USP12: variants seen among roughly 807,000 people sequenced by gnomAD.
The protein encoded by USP12 is ubiquitin specific peptidase 12.
USP12 carries 19 observed loss-of-function variants against 45.5 expected under a neutral mutation model. The ratio of observed to expected loss-of-function variants is 0.42; its 90% CI spans 0.29 to 0.61. The LOEUF (loss-of-function observed/expected upper bound fraction) is 0.61. Ranked by LOEUF, USP12 falls within the 20% of genes least tolerant of loss-of-function variation. USP12 has a pLI of 0.22. For synonymous variants in USP12, 149 were observed against 148.8 expected (o/e 1.00, Z -0.01); for missense variants, 242 against 447.7 (o/e 0.54, Z 4.15).
Position 27,075,325 on chromosome 13 carries a change from A to G in USP12, c.798T>C (p.Asp266=), listed in dbSNP as rs1873427765. 1 of 1,614,072 alleles carries G rather than the reference A, an allele frequency of 6.2e-7. No individual in the cohort carries two copies. Among genetic ancestry groups the G allele is most frequent in the Admixed American group, 1.7e-5 (1 of 60,002 alleles). Residue 266 remains aspartate, a synonymous_variant, in exon 7 of 9, where the codon GAT becomes GAC. Coordinates refer to ENST00000282344, the MANE Select transcript of USP12 (RefSeq NM_182488.4). ...ALHLKRFKYM[D]QLHRYTKLSY... ...AGAGTTTTGTATATCGATGAAGTTG[A>G]TCCATATATTTAAATCTCTTCAGGT...
rs1209775984 is a variant in USP12, at chr13:27,069,108, T to C, written c.*175A>G. On this transcript the variant is annotated 3_prime_UTR_variant, in exon 9 of 9. Transcript: ENST00000282344. ...ATGATACCTGAGCAAATAAATCAAC[T>C]ACCATGATCGGAAGGGCTTGTCAAT... 3.2e-6 allele frequency: 2 copies of C among 630,420 alleles called. No homozygotes were observed. The highest frequency in any genetic ancestry group is 1.8e-5 in the African/African-American group (1 of 54,248). 39.1% of individuals were successfully genotyped at this position (630,420 alleles called of 1,614,324 possible). A position where few individuals can be genotyped will look rare whatever the true frequency, so the allele number is the denominator to read the frequency against.
chr13:27,105,298 T>C (rs577386564), intron 3 of USP12, among the ~76,000 whole-genome samples: 96 of 152,240 alleles, frequency 6.3e-4, no homozygotes, highest in African/African-American at 2.2e-3. Context: ...AGGTTTTGAT[T>C]TTTCACGGCT....
intron 4 of USP12, among the ~76,000 whole-genome samples, chr13:27,093,942 T>C (rs761681119): frequency 2.6e-5 from 4 of 152,224 alleles, no homozygotes; most frequent in Non-Finnish European, 5.9e-5. Flanking sequence ...GGCTGCATAC[T>C]ATATGATTTC....
At chr13:27,150,004 G>A (rs988081522) in intron 1 of USP12, among the ~76,000 whole-genome samples, 2 of 152,232 alleles carry the variant, frequency 1.3e-5, no homozygotes, top group African/African-American at 4.8e-5. Flanking sequence ...CAGATCAGGG[G>A]TTGGAGATCC....
At chr13:27,097,054 T>A in intron 3 of USP12, among the ~76,000 whole-genome samples, 1 of 149,786 alleles carries the variant, frequency 6.7e-6, no homozygotes, top group African/African-American at 2.5e-5. Flanking sequence ...AAAGCAAATC[T>A]CATATAAAAG....
chr13:27,087,132 AGAGT>A (rs1286061628), intron 6 of USP12, among the ~76,000 whole-genome samples: 2 of 147,348 alleles, frequency 1.4e-5, no homozygotes, highest in Non-Finnish European at 3.0e-5. Flanking sequence ...TGCGTGTGTG[AGAGT>A]GTGTGTGTGT....
At chr13:27,115,723 T>A (rs546866516) in intron 2 of USP12, among the ~76,000 whole-genome samples, 1 of 152,312 alleles carries the variant, frequency 6.6e-6, no homozygotes, top group East Asian at 1.9e-4. Context: ...TAGAATTACC[T>A]CCATAAGAAC....
In USP12 at chr13:27,108,277, G is replaced by A. The variant is rs539345788; in HGVS notation, c.130-2333C>T. Among the ~76,000 whole-genome samples, 55 of 151,770 alleles carry A rather than the reference G, an allele frequency of 3.6e-4. No homozygotes were observed. The East Asian group carries it at 0.01, about 28-fold the overall frequency. On this transcript the variant is annotated intron_variant, in intron 2 of 8. Coordinates refer to ENST00000282344, the MANE Select transcript of USP12 (RefSeq NM_182488.4). ...AAATCATCATTCTCAGGAAACTATCGCAAGGACAAAAAACCAAACACCGCA... is the reference window on the plus strand; with the variant it reads ...AAATCATCATTCTCAGGAAACTATCACAAGGACAAAAAACCAAACACCGCA...
chr13:27,098,375 A>AC (rs397829888), intron 3 of USP12, among the ~76,000 whole-genome samples: 5 of 151,128 alleles, frequency 3.3e-5, no homozygotes, highest in Non-Finnish European at 7.4e-5. Flanking sequence ...TTAAAAAAAA[A>AC]CCCTTTACAA....
At chr13:27,085,596 A>G (rs772628688) in intron 6 of USP12, among the ~76,000 whole-genome samples, 3 of 152,098 alleles carry the variant, frequency 2.0e-5, no homozygotes, top group Middle Eastern at 3.2e-3. Flanking sequence ...TCATCCAAGT[A>G]AAGGTCAAAA....
intron 1 of USP12, 101 bp downstream of exon 1, chr13:27,171,489 CGG>C: frequency 1.7e-5 from 2 of 114,300 alleles, no homozygotes; most frequent in Non-Finnish European, 3.4e-5. Flanking sequence ...CCGCCCGCCC[CGG>C]CGCTAGGCCC....
At chr13:27,099,807 T>C (rs924272782) in intron 3 of USP12, among the ~76,000 whole-genome samples, 5 of 152,240 alleles carry the variant, frequency 3.3e-5, no homozygotes, top group Non-Finnish European at 1.5e-5. Context: ...TTCACTTCTC[T>C]GCTGTAAGTT....
chr13:27,121,319 A>AG (rs927116112), intron 1 of USP12, among the ~76,000 whole-genome samples: 1 of 152,044 alleles, frequency 6.6e-6, no homozygotes, highest in African/African-American at 2.4e-5. Context: ...AAAAAAAAAA[A>AG]AAACCTCAGT....
Position 27,095,594 on chromosome 13 carries a change from T to C in USP12, c.573+7A>G, listed in dbSNP as rs1874539384. 6.3e-7 allele frequency: 1 copy of C among 1,577,500 alleles called. No individual in the cohort carries two copies. The highest frequency in any genetic ancestry group is 8.6e-7 in the Non-Finnish European group (1 of 1,159,514). ...TTTCTCTATACAAAATTGTATGATA[T>C]ACTTACAGTTTCACAAGTAAGACAT... On this transcript the variant is annotated splice_region_variant and intron_variant, in intron 4 of 8. Coordinates refer to ENST00000282344, the MANE Select transcript of USP12 (RefSeq NM_182488.4).
At chr13:27,117,438 T>TTGCAGCTGACAGCAGTCTAGC (rs58705654) in intron 1 of USP12, among the ~76,000 whole-genome samples, 9,387 of 152,100 alleles carry the variant, frequency 0.062, 363 homozygotes, top group African/African-American at 0.093. Flanking sequence ...TCATTTATGA[T>TTGCAGCTGACAGCAGTCTAGC]TGCAGCTGAC....
chr13:27,130,744 C>G (rs560081592), intron 1 of USP12, among the ~76,000 whole-genome samples: 1 of 152,260 alleles, frequency 6.6e-6, no homozygotes, highest in South Asian at 2.1e-4. Context: ...CCACGACTAA[C>G]GTGGTTTTTT....
In USP12 at chr13:27,153,261, C is replaced by A. The variant is rs537635694; in HGVS notation, c.48+18331G>T. ...GGCAGAGGTTGCAGTGAGCCAAGAT[C>A]GTGCCACTGCACTCCAGCCTGGGCA... On this transcript the variant is annotated intron_variant, in intron 1 of 8. Transcript: ENST00000282344. Among the ~76,000 whole-genome samples, 142 of 152,110 alleles carry A rather than the reference C, an allele frequency of 9.3e-4. 1 individual carries two copies. The highest frequency in any genetic ancestry group is 3.4e-3 in the African/African-American group (140 of 41,508).
chr13:27,110,399 T>A (rs1327773262), intron 2 of USP12, among the ~76,000 whole-genome samples: 1 of 152,212 alleles, frequency 6.6e-6, no homozygotes, highest in East Asian at 1.9e-4. Context: ...CTCTGCTATG[T>A]TCAATCTCCT....
At chr13:27,152,864 C>T (rs1320301694) in intron 1 of USP12, among the ~76,000 whole-genome samples, 1 of 148,574 alleles carries the variant, frequency 6.7e-6, no homozygotes, top group African/African-American at 2.5e-5. Flanking sequence ...ATGGCGTGAA[C>T]CTGGGAGGCG....
Sources: gnomAD v4.1 joint callset for allele counts (sites outside exome capture counted in the v4.1 genomes callset) on GRCh38, gnomAD v4.1.1 for gene constraint, MANE v1.5 for transcripts, NCBI Gene and HGNC (gene_info 2026-07-23, HGNC 2026-07-21) for gene names.